Variants in PHF2 observed in about 807,000 individuals in gnomAD.
PHF2 encodes the protein lysine-specific demethylase PHF2.
Under a neutral mutation model 120.5 loss-of-function variants are expected in PHF2, and 27 were observed. The ratio of observed to expected loss-of-function variants is 0.22; its 90% CI spans 0.17 to 0.31. PHF2 has a LOEUF of 0.31. PHF2 is among the 10% of genes least tolerant of loss of function. PHF2 has a pLI of 1.00. For missense variants in PHF2, 1,024 were observed against 1,434.8 expected (o/e 0.71, Z 4.63); for synonymous variants, 568 against 592.5 (o/e 0.96, Z 0.60).
At chr9:93,629,698 T>C (rs1825967536) in intron 1 of PHF2, among the ~76,000 whole-genome samples, 1 of 152,206 alleles carries the variant, frequency 6.6e-6, no homozygotes, top group African/African-American at 2.4e-5. Context: ...CCAGGCAGGC[T>C]TGGTAGATGG....
In PHF2 at chr9:93,677,786, C is replaced by T. The variant is rs1370343529; in HGVS notation, c.*110C>T. The T allele has an allele frequency of 5.4e-6, 4 of 745,894 alleles. No individual in the cohort carries two copies. The African/African-American group carries it at 7.0e-5, about 13-fold the overall frequency. 46.2% of individuals were successfully genotyped at this position (745,894 alleles called of 1,614,324 possible). A position where few individuals can be genotyped will look rare whatever the true frequency, so the allele number is the denominator to read the frequency against. ...TGCCTCACCAGGGAGGGCCTTGCCTCTTCCCGGCTGCCATCTCCCCAACAA... is the reference window on the plus strand; with the variant it reads ...TGCCTCACCAGGGAGGGCCTTGCCTTTTCCCGGCTGCCATCTCCCCAACAA... On this transcript the variant is annotated 3_prime_UTR_variant, in exon 22 of 22. Transcript: ENST00000359246. This position sits in a 1 kb window ranked among gnomAD's most constrained non-coding sequence, Gnocchi z 4.4.
chr9:93,618,040 C>G (rs1237510012), intron 1 of PHF2, among the ~76,000 whole-genome samples: 1 of 152,242 alleles, frequency 6.6e-6, no homozygotes, highest in Non-Finnish European at 1.5e-5. Context: ...ACTGCAGTGT[C>G]TCATCACTGC....
At position 93,677,844 on chromosome 9, in the gene PHF2, A is replaced by T. The variant is rs934065193; in HGVS notation, c.*168A>T. 3 of 597,610 alleles carry T rather than the reference A, an allele frequency of 5.0e-6. No homozygotes were observed. The highest frequency in any genetic ancestry group is 9.0e-6 in the Non-Finnish European group (3 of 333,064). 37.0% of individuals were successfully genotyped at this position (597,610 alleles called of 1,614,324 possible). A position where few individuals can be genotyped will look rare whatever the true frequency, so the allele number is the denominator to read the frequency against. ...TCCCTTCAGCCGGCAGAGCGAGCCC[A>T]GCGTGGCCCCTCAATTTGAAAATGG... is the stretch of plus-strand genomic sequence containing the variant. On this transcript the variant is annotated 3_prime_UTR_variant, in exon 22 of 22. Transcript: ENST00000359246. The surrounding 1 kb of genome is among the most constrained non-coding windows in gnomAD (Gnocchi z 4.4).
intron 1 of PHF2, among the ~76,000 whole-genome samples, chr9:93,614,501 CTT>C (rs1486218925): frequency 1.3e-5 from 2 of 152,166 alleles, no homozygotes; most frequent in Non-Finnish European, 2.9e-5. Flanking sequence ...GAGGAAGAAA[CTT>C]TGGGTGAAGT....
rs971526031 is a variant in PHF2 at position 93,676,937 on chromosome 9, C to T, written c.3176C>T (p.Ser1059Phe). ...FLTQRRPSAS[S>F]PNNNTAAKGK... ...ACACAGAGGCGGCCCTCCGCATCGT[C>T]TCCAAACAACAACACCGCTGCCAAA... The change falls in exon 21 of 22, where the codon TCT (serine) becomes TTT (phenylalanine). Residue 1059 changes from serine to phenylalanine, a missense_variant. Ser to Phe is a radical substitution (Grantham distance 155). This residue lies in a region of PHF2 where 677 missense variants were observed against 857.4 expected (regional missense o/e 0.79). Coordinates refer to ENST00000359246, the MANE Select transcript of PHF2 (RefSeq NM_005392.4). 1.3e-6 allele frequency: 2 copies of T among 1,567,202 alleles called. No individual in the cohort carries two copies. The highest frequency in any genetic ancestry group is 4.6e-5 in the East Asian group (2 of 43,368).
chr9:93,605,867 C>T (rs1232163480), intron 1 of PHF2, among the ~76,000 whole-genome samples: 2 of 152,230 alleles, frequency 1.3e-5, no homozygotes, highest in African/African-American at 2.4e-5. Context: ...CTGCTATAAA[C>T]ATCCATGTGC....
intron 3 of PHF2, among the ~76,000 whole-genome samples, chr9:93,643,357 A>G: frequency 6.6e-6 from 1 of 152,158 alleles, no homozygotes; most frequent in African/African-American, 2.4e-5. Context: ...CCTGTGGCCC[A>G]GGTGGATGGG....
chr9:93,673,858 C>A lies in PHF2; in HGVS notation c.2622C>A (p.Asp874Glu). 1 of 1,589,518 alleles carries A rather than the reference C, an allele frequency of 6.3e-7. No individual in the cohort carries two copies. Among genetic ancestry groups the A allele is most frequent in the East Asian group, 2.3e-5 (1 of 44,434 alleles). Residue 874 changes from aspartate to glutamate, a missense_variant, in exon 18 of 22, where the codon GAC (aspartate) becomes GAA (glutamate). Coordinates refer to ENST00000359246, the MANE Select transcript of PHF2 (RefSeq NM_005392.4). ...DHLDACFKDS[D>E]YVYPSLESDE... is the part of the protein sequence containing the mutation. The stretch of plus-strand genomic sequence containing the variant: ...TGGATGCCTGCTTCAAGGACTCAGA[C>A]TACGGTGAGTGTCACTCCTGCGTGG...
In PHF2 at chr9:93,603,245, A is replaced by C. The variant is rs565681887; in HGVS notation, c.98+26374A>C. Among the ~76,000 whole-genome samples the C allele has an allele frequency of 3.9e-5, 6 of 152,280 alleles. No homozygotes were observed. The South Asian group carries it at 1.0e-3, about 26-fold the overall frequency. ...TGCTTTCTATGATCCCGGTCTGAGA[A>C]AAGACCCCAGGGTCAGAGGCACTCG... On this transcript the variant is annotated intron_variant, in intron 1 of 21. Coordinates refer to ENST00000359246, the MANE Select transcript of PHF2 (RefSeq NM_005392.4).
chr9:93,636,847 C>T (rs1826101851), intron 3 of PHF2, among the ~76,000 whole-genome samples: 1 of 152,258 alleles, frequency 6.6e-6, no homozygotes, highest in Non-Finnish European at 1.5e-5. Context: ...CTCCTGAGCC[C>T]TTGGCTCCCA....
intron 1 of PHF2, among the ~76,000 whole-genome samples, chr9:93,594,191 C>G (rs978315171): frequency 2.6e-5 from 4 of 151,094 alleles, no homozygotes; most frequent in African/African-American, 4.9e-5. Flanking sequence ...ATGTGACCCC[C>G]CCCCCCTCCA....
At position 93,665,979 on chromosome 9, in the gene PHF2, T is replaced by C. The variant is rs540677473; in HGVS notation, c.2117-11T>C. The C allele has an allele frequency of 1.9e-6, 3 of 1,613,452 alleles. No individual in the cohort carries two copies. The Admixed American group carries it at 5.0e-5, about 27-fold the overall frequency. ...GGCCTCCCGCTGGACTGCCATCTGC[T>C]GTGCTTTCAGTCTTGTTGGATAAGA... On this transcript the variant is annotated splice_polypyrimidine_tract_variant and intron_variant, in intron 15 of 21. Coordinates refer to ENST00000359246, the MANE Select transcript of PHF2 (RefSeq NM_005392.4).
intron 11 of PHF2, 43 bp downstream of exon 11, chr9:93,659,643 G>T: frequency 1.3e-6 from 2 of 1,568,306 alleles, no homozygotes; most frequent in South Asian, 1.1e-5. Context: ...CTGGGGATTG[G>T]GGAGGGCCCA....
chr9:93,596,551 G>A (rs917263616), intron 1 of PHF2, among the ~76,000 whole-genome samples: 4 of 151,998 alleles, frequency 2.6e-5, no homozygotes, highest in African/African-American at 4.8e-5. Context: ...ACTGGGAGTC[G>A]GGAGGGGCAG....
At chr9:93,665,485 C>T (rs1190393406) in intron 14 of PHF2, among the ~76,000 whole-genome samples, 2 of 152,240 alleles carry the variant, frequency 1.3e-5, no homozygotes, top group African/African-American at 2.4e-5. Context: ...CTCCTGTCTG[C>T]AGAGGCTTGG....
At chr9:93,612,658 T>C (rs546774005) in intron 1 of PHF2, among the ~76,000 whole-genome samples, 1 of 152,386 alleles carries the variant, frequency 6.6e-6, no homozygotes, top group Non-Finnish European at 1.5e-5. Flanking sequence ...GATGGAGGTT[T>C]CCTTTAGGTA....
In PHF2 at chr9:93,656,616, G is replaced by A; in HGVS notation, c.1147+21G>A. Reference sequence around the variant, plus strand: ...CAAAGGTACTGGTCACTCCGGGGTGGGCGTCCAAGCCTGGGGCTCTTGGCT... The same window carrying A: ...CAAAGGTACTGGTCACTCCGGGGTGAGCGTCCAAGCCTGGGGCTCTTGGCT... On this transcript the variant is annotated intron_variant, in intron 9 of 21. Transcript: ENST00000359246. The surrounding 1 kb of genome is among the most constrained non-coding windows in gnomAD (Gnocchi z 4.1). The A allele has an allele frequency of 2.6e-6, 4 of 1,563,978 alleles. No individual in the cohort carries two copies. The highest frequency in any genetic ancestry group is 3.5e-6 in the Non-Finnish European group (4 of 1,135,868).
At chr9:93,585,241 A>T (rs1863017484) in intron 1 of PHF2, among the ~76,000 whole-genome samples, 1 of 152,210 alleles carries the variant, frequency 6.6e-6, no homozygotes. Flanking sequence ...TCAGATGTCG[A>T]ACTAGGCGTT....
Position 93,656,657 on chromosome 9 carries a change from C to T in PHF2, c.1147+62C>T, listed in dbSNP as rs1037481929. ...GCTCTTGGCTGTGGGGGCAGCCAGA[C>T]CTGGTCAGGGCTGACTGTCTGGGTG... On this transcript the variant is annotated intron_variant, in intron 9 of 21. Coordinates refer to ENST00000359246, the MANE Select transcript of PHF2 (RefSeq NM_005392.4). This position sits in a 1 kb window ranked among gnomAD's most constrained non-coding sequence, Gnocchi z 4.1. The T allele has an allele frequency of 1.2e-5, 14 of 1,156,686 alleles. No homozygotes were observed. In the African/African-American group the frequency reaches 2.0e-4, roughly 16 times the overall value. The allele number at this position is 1,156,686 out of a possible 1,614,324, so 71.7% of individuals were successfully genotyped here.
Sources: gnomAD v4.1 joint callset for allele counts (sites outside exome capture counted in the v4.1 genomes callset) on GRCh38, gnomAD v4.1.1 for gene constraint, gnomAD v4.1.1 regional missense constraint, Gnocchi (gnomAD v3.1) non-coding constraint, MANE v1.5 for transcripts, NCBI Gene and HGNC (gene_info 2026-07-23, HGNC 2026-07-21) for gene names.